FCHSD2: variants seen among roughly 807,000 people sequenced by gnomAD.
The protein encoded by FCHSD2 is F-BAR and double SH3 domains protein 2.
A neutral mutation model predicts 108.1 loss-of-function variants in FCHSD2; 38 were observed. The observed-to-expected ratio is 0.35, with a 90% confidence interval of 0.27 to 0.46. FCHSD2 has a LOEUF of 0.46. Among genes scored for constraint, FCHSD2 ranks in the 20% least tolerant of loss-of-function variants. FCHSD2 has a pLI of 1.00. For synonymous variants in FCHSD2, 279 were observed against 314.7 expected (o/e 0.89, Z 1.20); for missense variants, 751 against 897.8 (o/e 0.84, Z 2.09).
chr11:72,917,220 T>C (rs1855892308), intron 9 of FCHSD2, among the ~76,000 whole-genome samples: 1 of 152,152 alleles, frequency 6.6e-6, no homozygotes, highest in Admixed American at 6.5e-5. Context: ...CCTGATCTCA[T>C]GATCCACCCA....
chr11:73,020,146 G>A (rs1858067751), intron 3 of FCHSD2, among the ~76,000 whole-genome samples: 1 of 152,170 alleles, frequency 6.6e-6, no homozygotes, highest in South Asian at 2.1e-4. Context: ...AAAGCCATCA[G>A]TGTCTGATGT....
At chr11:72,841,692 T>A in intron 17 of FCHSD2, 109 bp from the exon 18 acceptor site, 3 of 1,181,646 alleles carry the variant, frequency 2.5e-6, no homozygotes, top group Non-Finnish European at 3.5e-6. Flanking sequence ...CTAAGCTGAT[T>A]GTTGAAACTT....
intron 2 of FCHSD2, among the ~76,000 whole-genome samples, chr11:73,111,896 T>C (rs1249875835): frequency 6.6e-6 from 1 of 152,206 alleles, no homozygotes; most frequent in African/African-American, 2.4e-5. Context: ...ACTTTTAACT[T>C]TGTCCCCCTA....
chr11:72,913,649 T>C (rs1855809153), intron 9 of FCHSD2, among the ~76,000 whole-genome samples: 3 of 152,228 alleles, frequency 2.0e-5, no homozygotes, highest in African/African-American at 7.2e-5. Flanking sequence ...TTTGAATTTC[T>C]GTGGTATTGG....
intron 3 of FCHSD2, among the ~76,000 whole-genome samples, chr11:73,074,936 G>A (rs1210000049): frequency 1.3e-5 from 2 of 152,100 alleles, no homozygotes; most frequent in Non-Finnish European, 2.9e-5. Context: ...AGACAGTGGG[G>A]AGGGAGGGAG....
At chr11:73,022,772 A>G (rs1047654361) in intron 3 of FCHSD2, among the ~76,000 whole-genome samples, 2 of 152,194 alleles carry the variant, frequency 1.3e-5, no homozygotes, top group Non-Finnish European at 2.9e-5. Context: ...GAGCACTCTC[A>G]TTACCTGACT....
Position 72,843,656 on chromosome 11 carries a change from A to T in FCHSD2, c.1444-124T>A. On this transcript the variant is annotated intron_variant, in intron 14 of 19. Transcript: ENST00000409418. ...ATTTTGAGAAACATGTTGAACATAA[A>T]AATTTAAATGCTGTAAAACTTTCAT... is the stretch of plus-strand genomic sequence containing the variant. The T allele has an allele frequency of 1.3e-5, 9 of 676,906 alleles. No homozygotes were observed. The South Asian group carries it at 1.6e-4, about 12-fold the overall frequency. The allele number at this position is 676,906 out of a possible 1,614,324, so 41.9% of individuals were successfully genotyped here. A position where few individuals can be genotyped will look rare whatever the true frequency, so the allele number is the denominator to read the frequency against.
intron 2 of FCHSD2, among the ~76,000 whole-genome samples, chr11:73,091,961 G>T (rs553340210): frequency 6.6e-6 from 1 of 152,060 alleles, no homozygotes; most frequent in East Asian, 1.9e-4. Flanking sequence ...TTTGTACCGG[G>T]GAGACAGAGG....
intron 8 of FCHSD2, among the ~76,000 whole-genome samples, chr11:72,924,167 C>T (rs534202395): frequency 6.6e-6 from 1 of 152,310 alleles, no homozygotes; most frequent in Admixed American, 6.5e-5. Flanking sequence ...ACTCAAACTT[C>T]TGGGTTCCAG....
At chr11:72,958,767 A>T (rs1856763736) in intron 8 of FCHSD2, among the ~76,000 whole-genome samples, 1 of 152,196 alleles carries the variant, frequency 6.6e-6, no homozygotes, top group South Asian at 2.1e-4. Context: ...AAAAAAAGTT[A>T]TCTATTTTAA....
chr11:73,035,387 C>A (rs1193527841), intron 3 of FCHSD2, among the ~76,000 whole-genome samples: 1 of 152,016 alleles, frequency 6.6e-6, no homozygotes, highest in Non-Finnish European at 1.5e-5. Flanking sequence ...CGGCTGTTCT[C>A]GAACTCCTAA....
At chr11:73,001,643 T>C (rs1051699617) in intron 4 of FCHSD2, among the ~76,000 whole-genome samples, 1 of 152,196 alleles carries the variant, frequency 6.6e-6, no homozygotes, top group Non-Finnish European at 1.5e-5. Flanking sequence ...CGACATCATT[T>C]TACTCTTATA....
At chr11:72,874,949 C>T (rs1324529431) in intron 12 of FCHSD2, among the ~76,000 whole-genome samples, 2 of 152,120 alleles carry the variant, frequency 1.3e-5, no homozygotes, top group Non-Finnish European at 2.9e-5. Context: ...AGAGACAGAG[C>T]TTTTAAAAAT....
At chr11:72,977,028 G>A (rs570041727) in intron 8 of FCHSD2, among the ~76,000 whole-genome samples, 77 of 151,686 alleles carry the variant, frequency 5.1e-4, no homozygotes, top group Non-Finnish European at 9.7e-4. Context: ...CGGTTCAAGC[G>A]ATTCTCCTGC....
intron 2 of FCHSD2, among the ~76,000 whole-genome samples, chr11:73,123,034 T>C (rs936431383): frequency 6.6e-6 from 1 of 152,026 alleles, no homozygotes; most frequent in Non-Finnish European, 1.5e-5. Context: ...AACCACAAAA[T>C]AATTAATTTT....
chr11:72,966,353 T>C (rs572907596), intron 8 of FCHSD2, among the ~76,000 whole-genome samples: 28 of 152,142 alleles, frequency 1.8e-4, no homozygotes, highest in Admixed American at 3.3e-4. Context: ...AGAGACAGGG[T>C]TTCGTCATGT....
chr11:73,131,237 G>T (rs1477714432), intron 2 of FCHSD2, among the ~76,000 whole-genome samples: 2 of 151,820 alleles, frequency 1.3e-5, no homozygotes, highest in Admixed American at 6.6e-5. Context: ...CAAAAATTAG[G>T]CCGGGCGCAG....
intron 3 of FCHSD2, among the ~76,000 whole-genome samples, chr11:73,068,324 C>T (rs919860382): frequency 1.3e-4 from 1 of 7,500 alleles, no homozygotes; most frequent in Non-Finnish European, 2.6e-4. Flanking sequence ...AACACCTGTG[C>T]GGTGGGTGGT....
In FCHSD2 at chr11:72,984,228, C is replaced by G; in HGVS notation, c.577-12G>C. ...CGCCGGGCTTTTAACTAAAACATAG[C>G]AAAATAAAATAATCAGTGCAAACTG... On this transcript the variant is annotated splice_polypyrimidine_tract_variant and intron_variant, in intron 7 of 19. Transcript: ENST00000409418. 6.2e-7 allele frequency: 1 copy of G among 1,613,326 alleles called. No homozygotes were observed.
Sources: allele counts gnomAD v4.1 joint callset (sites outside exome capture counted in the v4.1 genomes callset), GRCh38; gene constraint gnomAD v4.1.1; transcripts MANE v1.5; gene names NCBI Gene and HGNC (gene_info 2026-07-23, HGNC 2026-07-21).